SYTL5: variants seen among roughly 807,000 people sequenced by gnomAD.
The protein encoded by SYTL5 is synaptotagmin-like protein 5.
SYTL5 carries 34 observed loss-of-function variants against 55.9 expected under a neutral mutation model. The ratio of observed to expected loss-of-function variants is 0.61; its 90% CI spans 0.46 to 0.81. The LOEUF (loss-of-function observed/expected upper bound fraction) is 0.81, where lower values mean the gene tolerates loss of function less well. Among genes scored for constraint, SYTL5 ranks in the 30% least tolerant of loss-of-function variants. The probability of loss-of-function intolerance (pLI) is 0.00; values close to 1 mark genes in which losing one functional copy is unlikely to be tolerated. For missense variants in SYTL5, 637 were observed against 546.7 expected (o/e 1.17, Z -1.65); for synonymous variants, 221 against 188.7 (o/e 1.17, Z -1.40).
the SYTL5 span, among the ~76,000 whole-genome samples, chrX:37,993,082 G>C: frequency 2.7e-5 from 3 of 111,418 alleles, no homozygotes; most frequent in African/African-American, 9.8e-5. Context: ...ATGGACAAAA[G>C]ACTGTCAAAC....
chrX:38,126,482 T>C, intron 16 of SYTL5, 106 bp from the exon 17 acceptor site: 1 of 803,836 alleles, frequency 1.2e-6, no homozygotes, highest in Non-Finnish European at 1.8e-6. Context: ...AACAAGCCAG[T>C]AAAAGGTACT....
intron 1 of SYTL5, among the ~76,000 whole-genome samples, chrX:38,011,312 T>C (rs774246510): frequency 1.8e-5 from 2 of 112,384 alleles, no homozygotes; most frequent in African/African-American, 3.2e-5. Flanking sequence ...CCTCAAATAC[T>C]GATGCTCTCT....
intron 2 of SYTL5, among the ~76,000 whole-genome samples, chrX:38,049,587 C>T (rs1239219735): frequency 1.8e-5 from 2 of 111,343 alleles, no homozygotes; most frequent in Non-Finnish European, 3.8e-5. Flanking sequence ...AGAGGATTCT[C>T]CCTCTTCCAT....
chrX:37,986,215 T>C, the SYTL5 span, among the ~76,000 whole-genome samples: 2 of 111,135 alleles, frequency 1.8e-5, no homozygotes, highest in Non-Finnish European at 3.8e-5. Context: ...TATTTTTTTT[T>C]TTTAAAGAAG....
chrX:38,128,630 A>G lies in SYTL5; in HGVS notation c.*1900A>G, dbSNP rs1377755347. On this transcript the variant is annotated 3_prime_UTR_variant, in exon 17 of 17. Coordinates refer to ENST00000297875, the MANE Select transcript of SYTL5 (RefSeq NM_138780.3). ...TAAGGGAATACGCAATCCAGTTTCA[A>G]TTTTATTCAGAAGTAGGTCACCTAA... 2 of 111,912 alleles carry G rather than the reference A, an allele frequency of 1.8e-5. No homozygotes were observed. The highest frequency in any genetic ancestry group is 3.8e-5 in the Non-Finnish European group (2 of 53,206). The allele number at this position is 111,912 out of a possible 1,213,427, so 9.2% of individuals were successfully genotyped here.
chrX:38,043,671 A>ATATATATATATATATATATATG (rs1569165962), intron 2 of SYTL5, among the ~76,000 whole-genome samples: 8 of 69,317 alleles, frequency 1.2e-4, no homozygotes, highest in African/African-American at 6.5e-4. Context: ...GTATATATAT[A>ATATATATATATATATATATATG]TATATATATA....
At chrX:38,020,933 A>C (rs1043501335) in intron 1 of SYTL5, among the ~76,000 whole-genome samples, 3 of 111,926 alleles carry the variant, frequency 2.7e-5, no homozygotes, top group Non-Finnish European at 5.6e-5. Context: ...TAGCACATCT[A>C]TGTTATTATC....
At chrX:38,030,871 A>C (rs769943335) in intron 1 of SYTL5, among the ~76,000 whole-genome samples, 1 of 112,445 alleles carries the variant, frequency 8.9e-6, no homozygotes, top group Admixed American at 9.4e-5. Flanking sequence ...TGAATTCCAA[A>C]GTTCCTGCTC....
chrX:38,097,457 T>G (rs1323923430), intron 9 of SYTL5, among the ~76,000 whole-genome samples: 1 of 110,924 alleles, frequency 9.0e-6, no homozygotes, highest in Non-Finnish European at 1.9e-5. Flanking sequence ...ATTCCATTCA[T>G]AATAGCATGA....
chrX:38,089,984 A>G (rs1313080192), intron 7 of SYTL5, among the ~76,000 whole-genome samples: 2 of 111,997 alleles, frequency 1.8e-5, no homozygotes, highest in African/African-American at 6.5e-5. Flanking sequence ...GCTAGGTTTC[A>G]ACTCTGTTTG....
chrX:37,902,965 G>C, the SYTL5 span, among the ~76,000 whole-genome samples: 5 of 112,061 alleles, frequency 4.5e-5, no homozygotes, highest in Non-Finnish European at 9.4e-5. Flanking sequence ...ACCATCACTG[G>C]CCATCAGAGA....
At chrX:38,019,669 G>A (rs904870153) in intron 1 of SYTL5, among the ~76,000 whole-genome samples, 6 of 110,690 alleles carry the variant, frequency 5.4e-5, no homozygotes, top group East Asian at 5.7e-4. Flanking sequence ...TCACTCTGTC[G>A]CCCAGGCTGG....
chrX:38,029,707 T>A (rs987267166), intron 1 of SYTL5, among the ~76,000 whole-genome samples: 4 of 112,352 alleles, frequency 3.6e-5, no homozygotes, highest in Non-Finnish European at 7.5e-5. Context: ...ATGTCTTTAT[T>A]TTATCAATAA....
intron 5 of SYTL5, among the ~76,000 whole-genome samples, chrX:38,074,801 T>C (rs749300990): frequency 9.0e-5 from 10 of 111,279 alleles, no homozygotes; most frequent in Non-Finnish European, 1.3e-4. Context: ...CTATCCTATG[T>C]ATTGATCCTT....
intron 6 of SYTL5, among the ~76,000 whole-genome samples, chrX:38,083,774 A>ATGTGTGTG (rs3068306): frequency 0.047 from 4,436 of 94,260 alleles, 233 homozygotes; most frequent in South Asian, 0.14. Context: ...AAATAGACTC[A>ATGTGTGTG]TGTGTGTGTG....
At chrX:37,999,680 G>A in the SYTL5 span, among the ~76,000 whole-genome samples, 1 of 112,002 alleles carries the variant, frequency 8.9e-6, no homozygotes, top group Non-Finnish European at 1.9e-5. Flanking sequence ...TGTAAAATGA[G>A]GTTGGAAAAA....
upstream of SYTL5, among the ~76,000 whole-genome samples, chrX:38,002,103 A>C: frequency 9.2e-6 from 1 of 108,578 alleles, no homozygotes; most frequent in East Asian, 2.9e-4. Flanking sequence ...CCTATGAGTG[A>C]GAACATGTGG....
chrX:37,968,716 T>C, the SYTL5 span, among the ~76,000 whole-genome samples: 10 of 111,835 alleles, frequency 8.9e-5, no homozygotes, highest in South Asian at 1.9e-3. Flanking sequence ...AAATAGACCT[T>C]TTAATGGCAT....
At chrX:38,082,965 T>C (rs1415810838) in intron 6 of SYTL5, among the ~76,000 whole-genome samples, 1 of 112,310 alleles carries the variant, frequency 8.9e-6, no homozygotes, top group Non-Finnish European at 1.9e-5. Context: ...TCTTCTTATA[T>C]GCAATATAAC....
Sources: allele counts gnomAD v4.1 joint callset (sites outside exome capture counted in the v4.1 genomes callset), GRCh38; gene constraint gnomAD v4.1.1; transcripts MANE v1.5; gene names NCBI Gene and HGNC (gene_info 2026-07-23, HGNC 2026-07-21).